Variants in ORC4 observed in about 807,000 individuals in gnomAD.
ORC4 encodes origin recognition complex subunit 4, also known as origin recognition complex, subunit 4 homolog.
Under a neutral mutation model 63.9 loss-of-function variants are expected in ORC4, and 55 were observed. That is an observed-to-expected ratio of 0.86 (90% confidence interval 0.69 to 1.08). The LOEUF (loss-of-function observed/expected upper bound fraction) is 1.08, where lower values mean the gene tolerates loss of function less well. Ranked by LOEUF, ORC4 falls within the 50% of genes least tolerant of loss-of-function variation. ORC4 has a pLI of 0.00. For missense variants in ORC4, 511 were observed against 504.4 expected (o/e 1.01, Z -0.13); for synonymous variants, 150 against 168.5 (o/e 0.89, Z 0.85).
chr2:147,973,761 A>G (rs931566024), intron 2 of ORC4, among the ~76,000 whole-genome samples: 15 of 152,190 alleles, frequency 9.9e-5, no homozygotes, highest in African/African-American at 3.6e-4. Flanking sequence ...GGTTTCAACA[A>G]GAGGGAGAAT....
At chr2:147,952,026 G>GA (rs1688983764) in intron 8 of ORC4, among the ~76,000 whole-genome samples, 1 of 152,006 alleles carries the variant, frequency 6.6e-6, no homozygotes, top group South Asian at 2.1e-4. Context: ...TCAAAATATG[G>GA]AAAAAAATCT....
At chr2:147,966,158 T>C (rs932270826) in intron 4 of ORC4, among the ~76,000 whole-genome samples, 1 of 151,952 alleles carries the variant, frequency 6.6e-6, no homozygotes, top group Non-Finnish European at 1.5e-5. Context: ...TACAGATTCC[T>C]AGAAACAAAA....
chr2:147,941,175 G>A (rs899054874), intron 10 of ORC4, among the ~76,000 whole-genome samples: 2 of 151,870 alleles, frequency 1.3e-5, no homozygotes, highest in Non-Finnish European at 1.5e-5. Context: ...TATCAATTCT[G>A]GTTTATTCAT....
intron 1 of ORC4, among the ~76,000 whole-genome samples, chr2:147,977,324 G>C (rs58152261): frequency 0.011 from 1,638 of 152,200 alleles, 36 homozygotes; most frequent in African/African-American, 0.037. Context: ...AAGACATTTT[G>C]GAACTTTTTT....
Position 147,938,178 on chromosome 2 carries a change from C to T in ORC4, c.1090G>A (p.Val364Ile), listed in dbSNP as rs138876526. 8.6e-4 allele frequency: 1,381 copies of T among 1,612,432 alleles called. 1 individual carries two copies. Among genetic ancestry groups the T allele is most frequent in the African/African-American group, 3.5e-3 (265 of 74,944 alleles). ...ACAACAGGTTTTTCAAAATTATAAA[C>T]GGAATGTGCTTTCCTTTGAACAAAC... ...QKFVQRKAHSVYNFEKPVVMK... is the reference protein window; with the variant it reads ...QKFVQRKAHSIYNFEKPVVMK... Residue 364 changes from valine to isoleucine, a missense_variant, in exon 13 of 14, where the codon GTT (valine) becomes ATT (isoleucine). Val to Ile is a conservative substitution (Grantham distance 29). Transcript: ENST00000392857.
chr2:147,993,926 C>T (rs917066812), intron 1 of ORC4, among the ~76,000 whole-genome samples: 2 of 151,752 alleles, frequency 1.3e-5, no homozygotes, highest in Admixed American at 1.3e-4. Context: ...ATTCTTTGTC[C>T]CAATAGTATG....
At chr2:147,986,569 C>T (rs1691211083) in intron 1 of ORC4, among the ~76,000 whole-genome samples, 1 of 152,018 alleles carries the variant, frequency 6.6e-6, no homozygotes, top group East Asian at 1.9e-4. Context: ...CTACAAAGTT[C>T]TGAGAGAGAG....
intron 4 of ORC4, among the ~76,000 whole-genome samples, chr2:147,969,708 A>AT (rs1482779567): frequency 1.3e-5 from 2 of 151,964 alleles, no homozygotes; most frequent in East Asian, 3.9e-4. Context: ...TTGGATATTC[A>AT]TTTTTTCTAA....
chr2:147,976,535 G>A (rs564436829), intron 1 of ORC4, among the ~76,000 whole-genome samples: 2 of 151,960 alleles, frequency 1.3e-5, no homozygotes, highest in Non-Finnish European at 1.5e-5. Flanking sequence ...CCTCCCTTTC[G>A]ATTAAATCTT....
chr2:147,978,266 T>C (rs530684953), intron 1 of ORC4, among the ~76,000 whole-genome samples: 2 of 152,316 alleles, frequency 1.3e-5, no homozygotes, highest in South Asian at 2.1e-4. Context: ...AGGATTTCTG[T>C]GCAGGATTTC....
At chr2:147,993,338 A>C (rs1201852873) in intron 1 of ORC4, among the ~76,000 whole-genome samples, 1 of 152,196 alleles carries the variant, frequency 6.6e-6, no homozygotes, top group African/African-American at 2.4e-5. Context: ...TTAATTAGTA[A>C]ATATTAAACT....
intron 1 of ORC4, among the ~76,000 whole-genome samples, chr2:148,015,314 T>C (rs1215710616): frequency 7.2e-6 from 1 of 139,546 alleles, no homozygotes; most frequent in Non-Finnish European, 1.6e-5. Flanking sequence ...GGAATTTTTT[T>C]TTTTTTTTTT....
chr2:147,973,106 C>T (rs773538984), intron 3 of ORC4, among the ~76,000 whole-genome samples: 12 of 152,102 alleles, frequency 7.9e-5, no homozygotes, highest in Non-Finnish European at 1.6e-4. Context: ...TGGCAACTCT[C>T]GGGACCCTTG....
intron 1 of ORC4, among the ~76,000 whole-genome samples, chr2:148,019,435 C>CA (rs1350275144): frequency 1.3e-5 from 2 of 152,014 alleles, no homozygotes; most frequent in Admixed American, 6.6e-5. Flanking sequence ...ACTGAAAACA[C>CA]AAAAAAATTA....
intron 1 of ORC4, among the ~76,000 whole-genome samples, chr2:147,977,597 G>C (rs1273260875): frequency 1.3e-5 from 2 of 152,180 alleles, no homozygotes; most frequent in Non-Finnish European, 2.9e-5. Context: ...CTTCATTCAC[G>C]TGACAGATTC....
chr2:147,972,777 C>A lies in ORC4; in HGVS notation c.187G>T (p.Val63Phe). Residue 63 changes from valine to phenylalanine, a missense_variant, in exon 4 of 14, where the codon GTC becomes TTC. Physicochemically the swap from Val to Phe is conservative, Grantham distance 50. Transcript: ENST00000392857. The stretch of plus-strand genomic sequence containing the variant: ...GATCCTCGGGGTCCGATAATAAGGA[C>A]AGAGTTACTCTCTCCATGGAGAGCA... ...RTALHGESNS[V>F]LIIGPRGSGK... 1.2e-6 allele frequency: 2 copies of A among 1,611,954 alleles called. No individual in the cohort carries two copies. The highest frequency in any genetic ancestry group is 1.7e-6 in the Non-Finnish European group (2 of 1,178,592).
At chr2:147,959,853 G>T (rs1262721087) in intron 4 of ORC4, among the ~76,000 whole-genome samples, 3 of 152,092 alleles carry the variant, frequency 2.0e-5, no homozygotes. Flanking sequence ...TTAATGAGAA[G>T]TGACATTTAA....
rs1432796487 is a variant in ORC4, at chr2:147,949,050, T to A, written c.589-826A>T. 2.2e-5 allele frequency among the ~76,000 whole-genome samples: 3 copies of A among 134,154 alleles called. No individual in the cohort carries two copies. The East Asian group carries it at 6.5e-4, about 29-fold the overall frequency. 88.0% of individuals were successfully genotyped at this position (134,154 alleles called of 152,430 possible). Reference sequence around the variant, plus strand: ...TTATATATGTATATATACATCTATATATATACAGTATAGTATAATATATAT... The same window carrying A: ...TTATATATGTATATATACATCTATAAATATACAGTATAGTATAATATATAT... On this transcript the variant is annotated intron_variant, in intron 8 of 13. Transcript: ENST00000392857.
At chr2:147,986,857 A>G (rs904717021) in intron 1 of ORC4, among the ~76,000 whole-genome samples, 3 of 152,032 alleles carry the variant, frequency 2.0e-5, no homozygotes, top group Admixed American at 2.0e-4. Flanking sequence ...TAAAACCAAA[A>G]AAAGGTAAAT....
Sources: allele counts gnomAD v4.1 joint callset (sites outside exome capture counted in the v4.1 genomes callset), GRCh38; gene constraint gnomAD v4.1.1; transcripts MANE v1.5; gene names NCBI Gene and HGNC (gene_info 2026-07-23, HGNC 2026-07-21).